PON3: variants seen among roughly 807,000 people sequenced by gnomAD.
PON3 encodes serum paraoxonase/lactonase 3.
In PON3, 37 loss-of-function variants were observed where a neutral mutation model predicts 36.3. The observed-to-expected ratio is 1.02, with a 90% CI of 0.78 to 1.34. PON3 has a LOEUF of 1.34. Ranked by LOEUF, PON3 falls within the 40% of genes most tolerant of loss-of-function variation. The pLI is 0.00. For synonymous variants in PON3, 155 were observed against 154.8 expected (o/e 1.00, Z -0.01); for missense variants, 415 against 426.5 (o/e 0.97, Z 0.24).
At chr7:95,394,589 G>A (rs1172463199) in intron 2 of PON3, 55 bp downstream of exon 2, 1 of 1,493,858 alleles carries the variant, frequency 6.7e-7, no homozygotes, top group Non-Finnish European at 9.3e-7. Context: ...GCTCAGTCAG[G>A]TGGATGACGA....
intron 3 of PON3, among the ~76,000 whole-genome samples, chr7:95,372,638 T>C (rs191165739): frequency 6.6e-6 from 1 of 152,256 alleles, no homozygotes; most frequent in Admixed American, 6.5e-5. Context: ...TTACTTTGTG[T>C]GAATCCCTTC....
At chr7:95,366,781 A>G (rs1170038616) in intron 5 of PON3, among the ~76,000 whole-genome samples, 1 of 152,210 alleles carries the variant, frequency 6.6e-6, no homozygotes, top group Non-Finnish European at 1.5e-5. Context: ...TCTAACCCAA[A>G]CCTTCTCTAA....
chr7:95,387,022 C>T (rs1809207868), intron 3 of PON3, among the ~76,000 whole-genome samples: 1 of 152,152 alleles, frequency 6.6e-6, no homozygotes, highest in Non-Finnish European at 1.5e-5. Flanking sequence ...AATCCACAGC[C>T]AATATCATAC....
chr7:95,362,258 A>G, intron 8 of PON3, 104 bp downstream of exon 8: 1 of 1,466,696 alleles, frequency 6.8e-7, no homozygotes, highest in Non-Finnish European at 9.5e-7. Flanking sequence ...AAATTTCTTT[A>G]GTTCTATAAC....
intron 8 of PON3, among the ~76,000 whole-genome samples, chr7:95,362,091 GA>G (rs1414483467): frequency 1.3e-5 from 2 of 152,098 alleles, no homozygotes; most frequent in Non-Finnish European, 2.9e-5. Flanking sequence ...CTCCTGATTG[GA>G]AATACGATAT....
At chr7:95,379,261 C>T (rs1808989068) in intron 3 of PON3, among the ~76,000 whole-genome samples, 1 of 152,234 alleles carries the variant, frequency 6.6e-6, no homozygotes. Flanking sequence ...CCCCAATCTA[C>T]AGCACCCAGC....
intron 8 of PON3, among the ~76,000 whole-genome samples, chr7:95,361,867 T>A (rs1808575472): frequency 6.6e-6 from 1 of 152,208 alleles, no homozygotes; most frequent in Non-Finnish European, 1.5e-5. Context: ...TTAGAAGAGA[T>A]ATTTTAAAAT....
intron 2 of PON3, 87 bp downstream of exon 2, chr7:95,394,557 G>A (rs1377706056): frequency 1.5e-5 from 18 of 1,185,918 alleles, no homozygotes; most frequent in Non-Finnish European, 2.3e-5. Context: ...AGTAGTGACA[G>A]GTAATTAAAT....
Position 95,360,081 on chromosome 7 carries a change from C to A in PON3, c.957G>T (p.Val319=), listed in dbSNP as rs375905978. 1 of 1,613,396 alleles carries A rather than the reference C, an allele frequency of 6.2e-7. No homozygotes were observed. Among genetic ancestry groups the A allele is most frequent in the African/African-American group, 1.3e-5 (1 of 74,822 alleles). The change falls in exon 9 of 9, where the codon GTG becomes GTT. Residue 319 remains valine (V), a synonymous_variant. Coordinates refer to ENST00000265627, the MANE Select transcript of PON3 (RefSeq NM_000940.3). ...VLSEKPRVST[V]YANNGSVLQG... ...GAAGCACAGAGCCATTGTTGGCATA[C>A]ACGGTGCTCACCCTGGGCTTCTCAG...
chr7:95,368,540 G>A (rs533676853), intron 4 of PON3, among the ~76,000 whole-genome samples: 1 of 152,160 alleles, frequency 6.6e-6, no homozygotes, highest in Non-Finnish European at 1.5e-5. Flanking sequence ...ACAATCACTT[G>A]TGCTAGCCTG....
chr7:95,375,164 CTT>C (rs1808887214), intron 3 of PON3, among the ~76,000 whole-genome samples: 1 of 151,914 alleles, frequency 6.6e-6, no homozygotes, highest in Admixed American at 6.6e-5. Context: ...TCAGTCTACT[CTT>C]TTCCCCATAA....
chr7:95,366,181 T>G (rs1808688352), intron 5 of PON3, among the ~76,000 whole-genome samples: 1 of 152,186 alleles, frequency 6.6e-6, no homozygotes, highest in Non-Finnish European at 1.5e-5. Flanking sequence ...CTGCACTTTC[T>G]GGGAGACTCT....
chr7:95,383,257 G>C (rs934141069), intron 3 of PON3, among the ~76,000 whole-genome samples: 4 of 152,120 alleles, frequency 2.6e-5, no homozygotes, highest in South Asian at 2.1e-4. Flanking sequence ...TACTGAATGG[G>C]CAAAAACTGG....
intron 4 of PON3, among the ~76,000 whole-genome samples, chr7:95,368,352 A>T (rs1288165851): frequency 1.3e-5 from 2 of 152,096 alleles, no homozygotes; most frequent in Admixed American, 1.3e-4. Flanking sequence ...CATAACCAGG[A>T]CCTCTGAAAC....
At chr7:95,377,046 A>C (rs564409006) in intron 3 of PON3, among the ~76,000 whole-genome samples, 3 of 152,340 alleles carry the variant, frequency 2.0e-5, no homozygotes, top group African/African-American at 7.2e-5. Flanking sequence ...TCCTGCCCAA[A>C]TACTGTGCTT....
At chr7:95,366,426 C>T (rs904897164) in intron 5 of PON3, among the ~76,000 whole-genome samples, 5 of 152,172 alleles carry the variant, frequency 3.3e-5, no homozygotes, top group Admixed American at 2.0e-4. Context: ...ATGCTCTGCA[C>T]TCGTTTCCCC....
At chr7:95,379,583 C>T (rs2116402690) in intron 3 of PON3, among the ~76,000 whole-genome samples, 1 of 152,350 alleles carries the variant, frequency 6.6e-6, no homozygotes, top group East Asian at 1.9e-4. Flanking sequence ...GAGGGTTCCA[C>T]ACCCATGGAG....
intron 4 of PON3, among the ~76,000 whole-genome samples, chr7:95,368,343 A>G (rs1808740923): frequency 6.6e-6 from 1 of 152,216 alleles, no homozygotes; most frequent in African/African-American, 2.4e-5. Flanking sequence ...TGCAAAATTC[A>G]TAACCAGGAC....
chr7:95,383,885 C>T (rs1267102233), intron 3 of PON3, among the ~76,000 whole-genome samples: 2 of 152,098 alleles, frequency 1.3e-5, no homozygotes, highest in South Asian at 2.1e-4. Context: ...AAAATGAGCC[C>T]GCATTGCCAA....
Sources: allele counts gnomAD v4.1 joint callset (sites outside exome capture counted in the v4.1 genomes callset), GRCh38; gene constraint gnomAD v4.1.1; transcripts MANE v1.5; gene names NCBI Gene and HGNC (gene_info 2026-07-23, HGNC 2026-07-21).